The following LATS2 variants were observed in gnomAD, a reference collection of about 807,000 sequenced individuals.
LATS2 encodes the protein large tumor suppressor kinase 2.
Under a neutral mutation model 76.0 loss-of-function variants are expected in LATS2, and 24 were observed. That is an observed-to-expected ratio of 0.32 (90% CI 0.23 to 0.44). The LOEUF is 0.44. Ranked by LOEUF, LATS2 falls within the 20% of genes least tolerant of loss-of-function variation. The probability of loss-of-function intolerance (pLI) is 1.00; values close to 1 mark genes in which losing one functional copy is unlikely to be tolerated. For synonymous variants in LATS2, 692 were observed against 635.4 expected (o/e 1.09, Z -1.34); for missense variants, 1,286 against 1,481.2 (o/e 0.87, Z 2.16).
chr13:21,028,218 T>C (rs867664752), intron 2 of LATS2, among the ~76,000 whole-genome samples: 7 of 152,198 alleles, frequency 4.6e-5, no homozygotes, highest in Admixed American at 6.5e-5. Context: ...CTGAGAATGA[T>C]GATTTCCAAT....
At chr13:20,998,842 G>A (rs753021165) in intron 2 of LATS2, among the ~76,000 whole-genome samples, 2 of 152,130 alleles carry the variant, frequency 1.3e-5, no homozygotes, top group Non-Finnish European at 2.9e-5. Flanking sequence ...TGTGCACGCC[G>A]GGTGGGGGCC....
chr13:20,982,538 T>C (rs1182880388), intron 5 of LATS2, among the ~76,000 whole-genome samples: 1 of 151,904 alleles, frequency 6.6e-6, no homozygotes, highest in Admixed American at 6.6e-5. Context: ...CTCGAACTCC[T>C]GACCCCAGGT....
At chr13:21,041,893 C>A (rs1183801448) in intron 2 of LATS2, among the ~76,000 whole-genome samples, 1 of 152,114 alleles carries the variant, frequency 6.6e-6, no homozygotes, top group Non-Finnish European at 1.5e-5. Context: ...GCTGACGACA[C>A]CCCCACCTAC....
At chr13:21,057,579 G>C (rs1173684112) in intron 1 of LATS2, among the ~76,000 whole-genome samples, 1 of 152,138 alleles carries the variant, frequency 6.6e-6, no homozygotes. Flanking sequence ...GGATCACGAG[G>C]TCAGGAGATC....
In LATS2 at chr13:20,975,108, G is replaced by A. The variant is rs1869538445; in HGVS notation, c.3029C>T (p.Pro1010Leu). Reference protein sequence around the residue: ...SNFDPVDEESPWNDASEGSTK... With the variant: ...SNFDPVDEESLWNDASEGSTK... The stretch of plus-strand genomic sequence containing the variant: ...GCTACCTTCGCTGGCATCGTTCCAA[G>A]GGCTTTCTTCATCTACGGGGTCGAA... The change falls in exon 8 of 8, where the codon CCT becomes CTT. Residue 1010 changes from proline (P) to leucine (L), a missense_variant. Pro to Leu is a moderately conservative substitution (Grantham distance 98). Coordinates refer to ENST00000382592, the MANE Select transcript of LATS2 (RefSeq NM_014572.3). The A allele has an allele frequency of 6.2e-7, 1 of 1,614,106 alleles. No homozygotes were observed. The highest frequency in any genetic ancestry group is 1.3e-5 in the African/African-American group (1 of 74,934).
At chr13:21,047,789 T>C (rs2138409099) in intron 1 of LATS2, among the ~76,000 whole-genome samples, 1 of 152,256 alleles carries the variant, frequency 6.6e-6, no homozygotes, top group East Asian at 1.9e-4. Context: ...ATAGATCTAT[T>C]GCACAACCAT....
At chr13:20,992,242 C>T (rs142061899) in intron 2 of LATS2, among the ~76,000 whole-genome samples, 3 of 152,114 alleles carry the variant, frequency 2.0e-5, no homozygotes, top group Non-Finnish European at 2.9e-5. Context: ...GGCAGCAGCA[C>T]GCAAGGGTAG....
At chr13:21,013,470 C>T (rs115116006) in intron 2 of LATS2, among the ~76,000 whole-genome samples, 74 of 152,266 alleles carry the variant, frequency 4.9e-4, no homozygotes, top group African/African-American at 1.7e-3. Flanking sequence ...AGAGAAGATC[C>T]AAACGGCCAG....
At chr13:21,005,501 T>G (rs1477314408) in intron 2 of LATS2, 1 of 152,194 alleles carries the variant, frequency 6.6e-6, no homozygotes, top group African/African-American at 2.4e-5. Flanking sequence ...GCAAGCTTCA[T>G]TCTGAACTTC....
chr13:20,990,645 C>T (rs143804776), intron 3 of LATS2, among the ~76,000 whole-genome samples: 10 of 152,118 alleles, frequency 6.6e-5, no homozygotes, highest in African/African-American at 1.9e-4. Context: ...TGAGCCACTG[C>T]GCCTGGCCAT....
rs772031398 is a variant in LATS2, at chr13:20,989,083, T to C, written c.697A>G (p.Lys233Glu). ...GCCTCTACGCTGGCACCGTAGCCCT[T>C]GGGTGGGTGCTGGTGCTGGTGGCCG... ...GPGHQHQHPP[K>E]GYGASVEAAG... Residue 233 changes from lysine (K) to glutamate (E), a missense_variant, in exon 4 of 8, where the codon AAG (lysine) becomes GAG (glutamate). Lys to Glu is a moderately conservative substitution (Grantham distance 56, BLOSUM62 1). This residue lies in a region of LATS2 where 710 missense variants were observed against 660.9 expected (regional missense o/e 1.07). Coordinates refer to ENST00000382592, the MANE Select transcript of LATS2 (RefSeq NM_014572.3). 74 of 1,596,860 alleles carry C rather than the reference T, an allele frequency of 4.6e-5. No individual in the cohort carries two copies. Among genetic ancestry groups the C allele is most frequent in the Non-Finnish European group, 6.0e-5 (71 of 1,174,042 alleles).
chr13:21,003,646 T>G (rs1438800226), intron 2 of LATS2, among the ~76,000 whole-genome samples: 1 of 152,174 alleles, frequency 6.6e-6, no homozygotes, highest in Non-Finnish European at 1.5e-5. Flanking sequence ...TTCACCATGT[T>G]GACCAGGCTG....
intron 2 of LATS2, among the ~76,000 whole-genome samples, chr13:21,040,561 T>C (rs73443385): frequency 6.6e-6 from 1 of 152,154 alleles, no homozygotes; most frequent in Non-Finnish European, 1.5e-5. Flanking sequence ...CGAAATCATA[T>C]GTCAGAGAGA....
intron 1 of LATS2, among the ~76,000 whole-genome samples, chr13:21,047,135 C>G (rs537091174): frequency 6.6e-6 from 1 of 152,196 alleles, no homozygotes; most frequent in Non-Finnish European, 1.5e-5. Flanking sequence ...GCCTCGTTCA[C>G]GGCCTACTCT....
At chr13:21,040,573 C>G (rs1872842874) in intron 2 of LATS2, among the ~76,000 whole-genome samples, 1 of 151,950 alleles carries the variant, frequency 6.6e-6, no homozygotes, top group African/African-American at 2.4e-5. Context: ...TCAGAGAGAC[C>G]CAAAGTAAGC....
At chr13:21,052,773 G>A (rs1565967236) in intron 1 of LATS2, among the ~76,000 whole-genome samples, 6 of 152,100 alleles carry the variant, frequency 3.9e-5, no homozygotes, top group African/African-American at 7.2e-5. Flanking sequence ...TCTCTGAAAC[G>A]TGCCTGCAGC....
chr13:21,058,186 A>G (rs1873508816), intron 1 of LATS2, among the ~76,000 whole-genome samples: 1 of 152,256 alleles, frequency 6.6e-6, no homozygotes, highest in Non-Finnish European at 1.5e-5. Flanking sequence ...AGACAGAGTC[A>G]ATGCATTTGA....
At chr13:21,044,797 T>C (rs557770320) in intron 2 of LATS2, among the ~76,000 whole-genome samples, 8 of 151,720 alleles carry the variant, frequency 5.3e-5, no homozygotes, top group South Asian at 2.1e-4. Context: ...GTGGCTATCA[T>C]AGCTCACTGC....
In LATS2 at chr13:20,974,944, G is replaced by A; in HGVS notation, c.3193C>T (p.Gln1065Ter). The A allele has an allele frequency of 6.2e-7, 1 of 1,614,202 alleles. No homozygotes were observed. Among genetic ancestry groups the A allele is most frequent in the Non-Finnish European group, 8.5e-7 (1 of 1,180,032 alleles). The stretch of plus-strand genomic sequence containing the variant: ...CTTTCTAAATCTGAGCTCTCAGCCT[G>A]TGAAGCTTCTGCTCCTGAAGGCTTT... ...CPKPSGAEAS[Q>*]AESSDLESSD... Residue 1065 changes from glutamine (Q) to a stop codon, truncating the protein, a stop_gained, in exon 8 of 8, where the codon CAG (glutamine) becomes TAG (stop). Transcript: ENST00000382592. LOFTEE classifies it low-confidence loss of function (END_TRUNC).
Sources: allele counts gnomAD v4.1 joint callset (sites outside exome capture counted in the v4.1 genomes callset), GRCh38; gene constraint gnomAD v4.1.1; regional missense constraint gnomAD v4.1.1; transcripts MANE v1.5; gene names NCBI Gene and HGNC (gene_info 2026-07-23, HGNC 2026-07-21).